Variants in SLC25A33 observed in about 807,000 individuals in gnomAD.
The protein encoded by SLC25A33 is bone marrow stromal cell mitochondrial carrier protein.
In SLC25A33, 15 loss-of-function variants were observed where a neutral mutation model predicts 35.5. That is an observed-to-expected ratio of 0.42 (90% CI 0.28 to 0.65). The LOEUF is 0.65. Ranked by LOEUF, SLC25A33 falls within the 30% of genes least tolerant of loss-of-function variation. The pLI is 0.20. For synonymous variants in SLC25A33, 136 were observed against 148.7 expected (o/e 0.91, Z 0.62); for missense variants, 257 against 398.5 (o/e 0.64, Z 3.02).
At chr1:9,565,506 ACT>A (rs1643488177) in intron 2 of SLC25A33, among the ~76,000 whole-genome samples, 2 of 148,738 alleles carry the variant, frequency 1.3e-5, no homozygotes, top group Admixed American at 6.8e-5. Context: ...ACAGAGCGAG[ACT>A]CTGTCTCAGA....
chr1:9,541,309 ACG>A (rs1421165492), intron 1 of SLC25A33, among the ~76,000 whole-genome samples: 2 of 152,020 alleles, frequency 1.3e-5, no homozygotes, highest in Non-Finnish European at 2.9e-5. Flanking sequence ...ACCCGCCACT[ACG>A]CCCAGCTTTT....
At chr1:9,542,102 G>A (rs1394503199) in intron 1 of SLC25A33, among the ~76,000 whole-genome samples, 1 of 152,186 alleles carries the variant, frequency 6.6e-6, no homozygotes. Flanking sequence ...GGCCAGTGAG[G>A]TGGTCTTTTA....
chr1:9,560,587 A>G (rs1569857744), intron 2 of SLC25A33, among the ~76,000 whole-genome samples: 1 of 152,172 alleles, frequency 6.6e-6, no homozygotes, highest in East Asian at 1.9e-4. Flanking sequence ...TCTGCTTATT[A>G]ATAGTCTTAC....
chr1:9,576,683 A>G (rs1298941694), intron 5 of SLC25A33: 2 of 651,442 alleles, frequency 3.1e-6, no homozygotes, highest in African/African-American at 3.6e-5. Context: ...TTCTGTTACA[A>G]GATGAGGTCT....
chr1:9,569,259 A>AG, intron 3 of SLC25A33, among the ~76,000 whole-genome samples: 1 of 152,020 alleles, frequency 6.6e-6, no homozygotes, highest in Non-Finnish European at 1.5e-5. Context: ...AAAAAAAAAA[A>AG]CACAGATCAC....
At chr1:9,552,399 A>AT (rs879922417) in intron 1 of SLC25A33, among the ~76,000 whole-genome samples, 241 of 143,500 alleles carry the variant, frequency 1.7e-3, no homozygotes, top group African/African-American at 3.1e-3. Context: ...TAATTTTTGT[A>AT]TTTTTTTTTT....
chr1:9,575,986 C>T (rs751179890), intron 5 of SLC25A33, among the ~76,000 whole-genome samples: 3 of 152,174 alleles, frequency 2.0e-5, no homozygotes, highest in Non-Finnish European at 4.4e-5. Context: ...GTTGTGGAAG[C>T]CTTTGGTAAT....
intron 1 of SLC25A33, among the ~76,000 whole-genome samples, chr1:9,544,113 GAAAAACA>G (rs796505753): frequency 1.5e-4 from 23 of 151,800 alleles, no homozygotes; most frequent in African/African-American, 5.6e-4. Flanking sequence ...CATCTCAGAA[GAAAAACA>G]AAAAACAAAA....
intron 5 of SLC25A33, chr1:9,576,427 ATG>A: frequency 9.1e-5 from 34 of 372,788 alleles, no homozygotes; most frequent in Admixed American, 2.6e-4. Context: ...TACTGTGAAA[ATG>A]AAGACCATTC....
intron 3 of SLC25A33, among the ~76,000 whole-genome samples, chr1:9,568,633 C>T (rs571691262): frequency 2.0e-5 from 3 of 151,916 alleles, no homozygotes; most frequent in South Asian, 2.1e-4. Flanking sequence ...CGGGGGATCA[C>T]GGGGTCAGGA....
At chr1:9,580,415 C>G (rs1238433819) in intron 6 of SLC25A33, among the ~76,000 whole-genome samples, 181 bp downstream of exon 6, 1 of 152,224 alleles carries the variant, frequency 6.6e-6, no homozygotes, top group African/African-American at 2.4e-5. Context: ...GGGAACTCGA[C>G]CTTACTCAAA....
chr1:9,572,634 C>T (rs1339699385), intron 4 of SLC25A33, among the ~76,000 whole-genome samples: 1 of 151,916 alleles, frequency 6.6e-6, no homozygotes, highest in Non-Finnish European at 1.5e-5. Context: ...AAGAAAAAAC[C>T]AGTGTCTTCC....
intron 2 of SLC25A33, chr1:9,556,160 C>T (rs1320217773): frequency 1.5e-5 from 15 of 984,274 alleles, no homozygotes; most frequent in Non-Finnish European, 1.7e-5. Flanking sequence ...ACTCCTCCTG[C>T]TTTGCCTTTT....
In SLC25A33 at chr1:9,556,663, T is replaced by TTG. The variant is rs201281155; in HGVS notation, c.236+2868_236+2869dup. 6.1e-3 allele frequency among the ~76,000 whole-genome samples: 928 copies of TTG among 151,528 alleles called. 12 individuals are homozygous for TTG. Among genetic ancestry groups the TTG allele is most frequent in the African/African-American group, 0.021 (856 of 41,172 alleles). Reference sequence around the variant, plus strand: ...TAAATCCAGCCCCCCCCATAAGAGATTGTGTGTGTGTCTGTGTCTGTGTGT... The same window carrying TTG: ...TAAATCCAGCCCCCCCCATAAGAGATTGTGTGTGTGTGTCTGTGTCTGTGTGT... On this transcript the variant is annotated intron_variant, in intron 2 of 6. Coordinates refer to ENST00000302692, the MANE Select transcript of SLC25A33 (RefSeq NM_032315.3).
intron 5 of SLC25A33, 145 bp downstream of exon 5, chr1:9,573,557 T>C: frequency 1.5e-6 from 1 of 677,968 alleles, no homozygotes; most frequent in Non-Finnish European, 2.5e-6. Context: ...AGGATTCCTT[T>C]TGTGTTGAGG....
chr1:9,572,416 C>A (rs1327329868), intron 4 of SLC25A33, among the ~76,000 whole-genome samples: 2 of 151,806 alleles, frequency 1.3e-5, no homozygotes, highest in Admixed American at 6.6e-5. Context: ...TCGAGACCAT[C>A]CTGGCTAACA....
chr1:9,550,013 T>TATATATATATATATATACATATA (rs1237314230), intron 1 of SLC25A33, among the ~76,000 whole-genome samples: 1 of 28,722 alleles, frequency 3.5e-5, no homozygotes, highest in African/African-American at 1.3e-4. Flanking sequence ...ATATATATAT[T>TATATATATATATATATACATATA]TTTTTTTTTT....
At chr1:9,544,593 T>C (rs1405953211) in intron 1 of SLC25A33, among the ~76,000 whole-genome samples, 1 of 152,064 alleles carries the variant, frequency 6.6e-6, no homozygotes, top group Admixed American at 6.6e-5. Flanking sequence ...AGTAAAACTT[T>C]CCAAGAATTT....
chr1:9,559,456 T>C (rs1002355027), intron 2 of SLC25A33, among the ~76,000 whole-genome samples: 1 of 152,094 alleles, frequency 6.6e-6, no homozygotes, highest in African/African-American at 2.4e-5. Context: ...AAAGCTGCTG[T>C]CATTATAATA....
Sources: gnomAD v4.1 joint callset for allele counts (sites outside exome capture counted in the v4.1 genomes callset) on GRCh38, gnomAD v4.1.1 for gene constraint, MANE v1.5 for transcripts, NCBI Gene and HGNC (gene_info 2026-07-23, HGNC 2026-07-21) for gene names.